TMEM40: variants seen among roughly 807,000 people sequenced by gnomAD.
TMEM40 encodes the protein transmembrane protein 40.
A neutral mutation model predicts 40.8 loss-of-function variants in TMEM40; 34 were observed. That is an observed-to-expected ratio of 0.83 (90% CI 0.63 to 1.11). The LOEUF is 1.11. TMEM40 is among the 50% of genes least tolerant of loss of function. The probability of loss-of-function intolerance (pLI) is 0.00; values close to 1 mark genes in which losing one functional copy is unlikely to be tolerated. For synonymous variants in TMEM40, 106 were observed against 107.0 expected (o/e 0.99, Z 0.06); for missense variants, 296 against 280.2 (o/e 1.06, Z -0.40).
intron 1 of TMEM40, among the ~76,000 whole-genome samples, chr3:12,767,931 G>A (rs896290851): frequency 6.6e-6 from 1 of 152,160 alleles, no homozygotes; most frequent in Non-Finnish European, 1.5e-5. Context: ...CATAGTTACG[G>A]ACTCAAGAGC....
intron 1 of TMEM40, among the ~76,000 whole-genome samples, chr3:12,764,643 T>C (rs7638333): frequency 0.65 from 99,073 of 152,032 alleles, 33,756 homozygotes; most frequent in African/African-American, 0.84. Flanking sequence ...GCCTTACTCA[T>C]CCTGGGCCTC....
chr3:12,752,570 G>A (rs754784022), intron 1 of TMEM40, among the ~76,000 whole-genome samples: 5 of 151,968 alleles, frequency 3.3e-5, no homozygotes, highest in African/African-American at 7.3e-5. Context: ...AGGCTGAGGC[G>A]GGCGGATCAC....
intron 6 of TMEM40, 74 bp downstream of exon 6, chr3:12,738,479 T>C: frequency 1.3e-6 from 2 of 1,534,918 alleles, no homozygotes; most frequent in Non-Finnish European, 1.8e-6. Context: ...GCTGGCTCTC[T>C]TGGGGGAGAG....
rs1559527366 is a variant in TMEM40, at chr3:12,743,903, G to C, written c.298C>G (p.Pro100Ala). 1 of 1,613,234 alleles carries C rather than the reference G, an allele frequency of 6.2e-7. No individual in the cohort carries two copies. The highest frequency in any genetic ancestry group is 8.5e-7 in the Non-Finnish European group (1 of 1,179,668). ...AATGGTAAGGCCTATTTCCTACCGG[G>C]TGAGCCGTTCCCGTGGGGGTATCCA... ...GAGYPHGNGS[P>A]GPGHGEPDVL... The change falls in exon 4 of 12, where the codon CCC (proline) becomes GCC (alanine). Residue 100 changes from proline to alanine, a missense_variant. Coordinates refer to ENST00000314124, the MANE Select transcript of TMEM40 (RefSeq NM_018306.4).
chr3:12,769,037 G>A (rs1294227079), intron 1 of TMEM40, among the ~76,000 whole-genome samples: 1 of 152,020 alleles, frequency 6.6e-6, no homozygotes, highest in African/African-American at 2.4e-5. Context: ...AAGGCCCTGC[G>A]AGAAATCGAG....
chr3:12,733,828 TA>T lies in TMEM40; in HGVS notation c.*945del, dbSNP rs2061317745. The stretch of plus-strand genomic sequence containing the variant: ...GTATGTGAGGGATACATATGTTAAT[TA>T]GCTTGATTTAGCCATTCCACATATT... On this transcript the variant is annotated 3_prime_UTR_variant, in exon 12 of 12. Transcript: ENST00000314124. The T allele has an allele frequency of 6.6e-6, 1 of 152,176 alleles. No individual in the cohort carries two copies. Among genetic ancestry groups the T allele is most frequent in the Admixed American group, 6.5e-5 (1 of 15,270 alleles). The allele number at this position is 152,176 out of a possible 1,614,324, so 9.4% of individuals were successfully genotyped here.
chr3:12,755,125 TC>T (rs1200384491), intron 1 of TMEM40, among the ~76,000 whole-genome samples: 2 of 150,876 alleles, frequency 1.3e-5, no homozygotes, highest in Non-Finnish European at 3.0e-5. Context: ...TCTTTTCTAT[TC>T]TTTTCTTTTC....
At chr3:12,754,185 A>G (rs111473498) in intron 1 of TMEM40, among the ~76,000 whole-genome samples, 12,260 of 152,052 alleles carry the variant, frequency 0.081, 548 homozygotes, top group Non-Finnish European at 0.1. Flanking sequence ...GGTGGCGGGC[A>G]CCTGTAGTCC....
At chr3:12,764,099 G>T (rs1402867079), upstream of TMEM40, among the ~76,000 whole-genome samples, 2 of 151,680 alleles carry the variant, frequency 1.3e-5, no homozygotes, top group Admixed American at 6.6e-5. Flanking sequence ...TTTTAGTAGA[G>T]ACGGGGGTCT....
At chr3:12,736,176 T>A (rs2061335950) in intron 10 of TMEM40, among the ~76,000 whole-genome samples, 2 of 142,682 alleles carry the variant, frequency 1.4e-5, no homozygotes, top group Non-Finnish European at 3.0e-5. Context: ...TGAGACAGAG[T>A]CTCGCTCTGT....
At chr3:12,744,963 A>G (rs547736563) in intron 3 of TMEM40, among the ~76,000 whole-genome samples, 3 of 152,316 alleles carry the variant, frequency 2.0e-5, no homozygotes, top group East Asian at 3.9e-4. Flanking sequence ...TCTTTTCTAT[A>G]TTTTACAAAT....
intron 3 of TMEM40, 129 bp downstream of exon 3, chr3:12,748,526 C>T: frequency 7.6e-7 from 1 of 1,319,894 alleles, no homozygotes; most frequent in Non-Finnish European, 1.0e-6. Context: ...GACAGATCGG[C>T]TCTAGAAGAG....
At chr3:12,759,867 G>A (rs920062150), upstream of TMEM40, among the ~76,000 whole-genome samples, 4 of 152,176 alleles carry the variant, frequency 2.6e-5, no homozygotes, top group Non-Finnish European at 5.9e-5. Context: ...GCCGAGGGCA[G>A]GGCCCCAGCT....
intron 1 of TMEM40, among the ~76,000 whole-genome samples, chr3:12,756,866 T>C (rs1303901203): frequency 6.6e-6 from 1 of 151,584 alleles, no homozygotes; most frequent in African/African-American, 2.4e-5. Flanking sequence ...ACACTCTCTC[T>C]CTCACACACA....
At chr3:12,756,167 C>G (rs1559533877) in intron 1 of TMEM40, among the ~76,000 whole-genome samples, 2 of 151,958 alleles carry the variant, frequency 1.3e-5, no homozygotes, top group Non-Finnish European at 2.9e-5. Flanking sequence ...AATACAAACT[C>G]AAACTCAAAT....
At chr3:12,761,951 AATG>A (rs2061570717), upstream of TMEM40, among the ~76,000 whole-genome samples, 2 of 152,338 alleles carry the variant, frequency 1.3e-5, no homozygotes, top group African/African-American at 2.4e-5. Context: ...TATCTATTAA[AATG>A]ATATTTGGAT....
chr3:12,754,205 G>A (rs554090218), intron 1 of TMEM40, among the ~76,000 whole-genome samples: 28 of 152,130 alleles, frequency 1.8e-4, no homozygotes, highest in Non-Finnish European at 3.5e-4. Context: ...CCAGCTACTC[G>A]GGAGGCTGAG....
intron 4 of TMEM40, 91 bp from the exon 5 acceptor site, chr3:12,742,598 CCA>C: frequency 6.8e-7 from 1 of 1,463,508 alleles, no homozygotes; most frequent in Non-Finnish European, 9.5e-7. Flanking sequence ...TTAAGAAGTA[CCA>C]CAGTCCTTGT....
intron 1 of TMEM40, among the ~76,000 whole-genome samples, chr3:12,768,907 C>CCG (rs1559538103): frequency 0.016 from 420 of 26,474 alleles, 8 homozygotes; most frequent in African/African-American, 0.034. Flanking sequence ...CGGGGCAGGG[C>CCG]GGGCCGGGGC....
Sources: allele counts gnomAD v4.1 joint callset (sites outside exome capture counted in the v4.1 genomes callset), GRCh38; gene constraint gnomAD v4.1.1; transcripts MANE v1.5; gene names NCBI Gene and HGNC (gene_info 2026-07-23, HGNC 2026-07-21).